Variants in SLC25A26 observed in about 807,000 individuals in gnomAD.
SLC25A26 encodes solute carrier family 25 member 26.
In SLC25A26, 36 loss-of-function variants were observed where a neutral mutation model predicts 37.8. That is an observed-to-expected ratio of 0.95 (90% confidence interval 0.73 to 1.26). The LOEUF (loss-of-function observed/expected upper bound fraction) is 1.26, where lower values mean the gene tolerates loss of function less well. SLC25A26 is among the 50% of genes most tolerant of loss of function. The pLI is 0.00. For synonymous variants in SLC25A26, 129 were observed against 122.5 expected (o/e 1.05, Z -0.35); for missense variants, 390 against 331.1 (o/e 1.18, Z -1.38).
intron 3 of SLC25A26, among the ~76,000 whole-genome samples, chr3:66,254,238 C>G (rs999098191): frequency 6.6e-6 from 1 of 152,108 alleles, no homozygotes; most frequent in Non-Finnish European, 1.5e-5. Flanking sequence ...ACTTGACACA[C>G]AAATGAACTG....
In SLC25A26 at chr3:66,377,663, C is replaced by G; in HGVS notation, c.708-27C>G. Reference sequence around the variant, plus strand: ...TAACCTTTTTTTAAAATACGCACAACATTAAAAATCCTGTTTTTTCCCCTA... The same window carrying G: ...TAACCTTTTTTTAAAATACGCACAAGATTAAAAATCCTGTTTTTTCCCCTA... On this transcript the variant is annotated intron_variant, in intron 9 of 9. Coordinates refer to ENST00000354883, the MANE Select transcript of SLC25A26 (RefSeq NM_001379210.1). The G allele has an allele frequency of 1.9e-6, 3 of 1,559,736 alleles. No individual in the cohort carries two copies. The South Asian group carries it at 3.3e-5, about 17-fold the overall frequency.
chr3:66,142,165 C>T (rs1050826429), intron 1 of SLC25A26, among the ~76,000 whole-genome samples: 2 of 152,332 alleles, frequency 1.3e-5, no homozygotes, highest in South Asian at 4.1e-4. Context: ...CTCTGGGTGA[C>T]TCCCAATCTG....
chr3:66,285,331 G>A (rs572359663), intron 5 of SLC25A26, among the ~76,000 whole-genome samples: 1 of 151,700 alleles, frequency 6.6e-6, no homozygotes, highest in African/African-American at 2.4e-5. Flanking sequence ...TTTTTGCTAT[G>A]TGAGTTGTTT....
In SLC25A26 at chr3:66,200,012, A is replaced by G. The variant is rs1358814784; in HGVS notation, c.-353-20730A>G. Among the ~76,000 whole-genome samples, 3 of 152,236 alleles carry G rather than the reference A, an allele frequency of 2.0e-5. No homozygotes were observed. In the East Asian group the frequency reaches 5.8e-4, roughly 29 times the overall value. On this transcript the variant is annotated intron_variant, in intron 1 of 10. Transcript: ENST00000676754. ...CTTGCAATATGAAAATAATTTTCAG[A>G]ATTATGGACATTTACCAACTTGCCT...
chr3:66,363,016 C>A, intron 7 of SLC25A26, 87 bp downstream of exon 7: 1 of 811,654 alleles, frequency 1.2e-6, no homozygotes, highest in Non-Finnish European at 1.8e-6. Flanking sequence ...ATTCTTTAGA[C>A]ATTCCAGGTT....
chr3:66,370,483 T>C (rs774109420), intron 8 of SLC25A26, 46 bp from the exon 9 acceptor site: 1 of 1,492,618 alleles, frequency 6.7e-7, no homozygotes, highest in African/African-American at 1.4e-5. Flanking sequence ...AGTGTGTGAT[T>C]GGGAGCTTCA....
At chr3:66,200,577 C>G (rs2071096351) in intron 1 of SLC25A26, among the ~76,000 whole-genome samples, 1 of 152,138 alleles carries the variant, frequency 6.6e-6, no homozygotes, top group South Asian at 2.1e-4. Flanking sequence ...TAGAGAATGA[C>G]CATACACATA....
intron 5 of SLC25A26, among the ~76,000 whole-genome samples, chr3:66,317,645 G>A (rs1405660529): frequency 6.6e-6 from 1 of 152,198 alleles, no homozygotes. Context: ...GGCAGAGTGG[G>A]TGTGCTGTGC....
intron 1 of SLC25A26, among the ~76,000 whole-genome samples, chr3:66,147,577 A>G (rs1045120204): frequency 6.6e-6 from 1 of 152,048 alleles, no homozygotes; most frequent in African/African-American, 2.4e-5. Context: ...AAATATAATG[A>G]TATCTTTTTC....
intron 5 of SLC25A26, among the ~76,000 whole-genome samples, chr3:66,305,380 G>A (rs2075188093): frequency 1.3e-5 from 2 of 152,104 alleles, no homozygotes; most frequent in Non-Finnish European, 2.9e-5. Context: ...GGAATTCCTG[G>A]TTAGGATTTT....
intron 5 of SLC25A26, among the ~76,000 whole-genome samples, chr3:66,330,700 T>C (rs9823233): frequency 0.081 from 12,317 of 151,918 alleles, 1,648 homozygotes; most frequent in African/African-American, 0.28. Context: ...TGTAAACTGC[T>C]GAAACATCCA....
At chr3:66,345,114 CCTAACT>C (rs1269233767) in intron 5 of SLC25A26, among the ~76,000 whole-genome samples, 1 of 152,126 alleles carries the variant, frequency 6.6e-6, no homozygotes, top group Non-Finnish European at 1.5e-5. Flanking sequence ...ATCGTAAATA[CCTAACT>C]CTAAGTGTGG....
At chr3:66,325,779 G>C (rs1350773686) in intron 5 of SLC25A26, among the ~76,000 whole-genome samples, 1 of 152,158 alleles carries the variant, frequency 6.6e-6, no homozygotes. Flanking sequence ...GACCATGGAA[G>C]GACATTTTCC....
chr3:66,194,426 C>T (rs2071005889), intron 1 of SLC25A26, among the ~76,000 whole-genome samples: 1 of 152,192 alleles, frequency 6.6e-6, no homozygotes, highest in Non-Finnish European at 1.5e-5. Flanking sequence ...AGTACTTTTA[C>T]ACAGAAACTT....
intron 1 of SLC25A26, among the ~76,000 whole-genome samples, chr3:66,229,721 A>C (rs554444965): frequency 4.6e-5 from 7 of 152,342 alleles, no homozygotes; most frequent in Admixed American, 1.3e-4. Flanking sequence ...ACAAAGACCA[A>C]GTTGAAACCG....
chr3:66,345,203 G>T (rs568213997), intron 5 of SLC25A26, among the ~76,000 whole-genome samples: 3 of 152,122 alleles, frequency 2.0e-5, no homozygotes, highest in African/African-American at 7.2e-5. Flanking sequence ...GACGTGATCA[G>T]TGCTCAGACC....
At chr3:66,186,098 C>T (rs1321130039) in intron 1 of SLC25A26, among the ~76,000 whole-genome samples, 1 of 151,918 alleles carries the variant, frequency 6.6e-6, no homozygotes, top group Non-Finnish European at 1.5e-5. Context: ...AACCAAGACC[C>T]TGATGCATAC....
At chr3:66,375,673 G>A (rs1367269806) in intron 9 of SLC25A26, among the ~76,000 whole-genome samples, 2 of 152,162 alleles carry the variant, frequency 1.3e-5, no homozygotes, top group Non-Finnish European at 2.9e-5. Context: ...TAAGCCCACT[G>A]CTGGGACCTA....
chr3:66,375,552 TC>T (rs375154277), intron 9 of SLC25A26, among the ~76,000 whole-genome samples: 36 of 152,264 alleles, frequency 2.4e-4, no homozygotes, highest in African/African-American at 8.7e-4. Flanking sequence ...CTTCTGAAAA[TC>T]CTAGAGCCTT....
Sources: gnomAD v4.1 joint callset for allele counts (sites outside exome capture counted in the v4.1 genomes callset) on GRCh38, gnomAD v4.1.1 for gene constraint, MANE v1.5 for transcripts, NCBI Gene and HGNC (gene_info 2026-07-23, HGNC 2026-07-21) for gene names.